Variants in SMTN observed in about 807,000 individuals in gnomAD.
The protein encoded by SMTN is smoothelin.
SMTN carries 58 observed loss-of-function variants against 102.0 expected under a neutral mutation model. The ratio of observed to expected loss-of-function variants is 0.57; its 90% CI spans 0.46 to 0.71. The LOEUF is 0.71. Among genes scored for constraint, SMTN ranks in the 30% least tolerant of loss-of-function variants. The probability of loss-of-function intolerance (pLI) is 0.00; values close to 1 mark genes in which losing one functional copy is unlikely to be tolerated. For missense variants in SMTN, 1,185 were observed against 1,241.7 expected (o/e 0.95, Z 0.69); for synonymous variants, 478 against 497.9 (o/e 0.96, Z 0.53).
chr22:31,099,871 T>G lies in SMTN; in HGVS notation c.2578T>G (p.Phe860Val). Reference protein sequence around the residue: ...QLSPQNRRQNFEVAFSSAETH... With the variant: ...QLSPQNRRQNVEVAFSSAETH... ...TAGCCCTCAGAACCGACGCCAGAAC[T>G]TCGAGGTGGCCTTCTCATCTGCGGA... is the stretch of plus-strand genomic sequence containing the variant. The change falls in exon 19 of 21, where the codon TTC (phenylalanine) becomes GTC (valine). Residue 860 changes from phenylalanine to valine, a missense_variant. Phe to Val is a conservative substitution (Grantham distance 50). This residue lies in a region of SMTN where 89 missense variants were observed against 128.9 expected (regional missense o/e 0.69). Coordinates refer to ENST00000333137, the MANE Select transcript of SMTN (RefSeq NM_134269.3). 1 of 1,614,010 alleles carries G rather than the reference T, an allele frequency of 6.2e-7. No homozygotes were observed. Among genetic ancestry groups the G allele is most frequent in the Non-Finnish European group, 8.5e-7 (1 of 1,179,914 alleles).
intron 18 of SMTN, 145 bp from the exon 19 acceptor site, chr22:31,099,600 T>C: frequency 1.2e-6 from 1 of 830,082 alleles, no homozygotes. Flanking sequence ...TGGAGGAGGC[T>C]CATGTTCCAA....
intron 20 of SMTN, 118 bp from the exon 21 acceptor site, chr22:31,104,198 G>C (rs1314229142): frequency 2.4e-6 from 3 of 1,225,090 alleles, no homozygotes; most frequent in South Asian, 1.4e-5. Context: ...GCTTTTCCCT[G>C]TCTGGAGTTT....
intron 11 of SMTN, chr22:31,093,713 C>A: frequency 8.4e-7 from 1 of 1,184,374 alleles, no homozygotes; most frequent in Non-Finnish European, 1.3e-6. Context: ...CCACTTGTGT[C>A]CGGCCTTGAG....
chr22:31,096,695 T>C, intron 13 of SMTN, 38 bp from the exon 14 acceptor site: 1 of 1,504,670 alleles, frequency 6.6e-7, no homozygotes, highest in Non-Finnish European at 8.8e-7. Flanking sequence ...TGGGTGTTGG[T>C]GGCCCTTTTG....
intron 1 of SMTN, chr22:31,066,119 A>C (rs1249873994): frequency 1.3e-5 from 2 of 152,052 alleles, no homozygotes; most frequent in Non-Finnish European, 2.9e-5. Context: ...CCTCATAGAG[A>C]TGGACAATTT....
At chr22:31,076,593 A>G (rs1019484764), upstream of SMTN, among the ~76,000 whole-genome samples, 3 of 152,252 alleles carry the variant, frequency 2.0e-5, no homozygotes, top group Non-Finnish European at 4.4e-5. Flanking sequence ...AATATGTGTC[A>G]GTTATTTCAT....
chr22:31,074,360 A>C (rs2042078824), intron 1 of SMTN, among the ~76,000 whole-genome samples: 1 of 152,096 alleles, frequency 6.6e-6, no homozygotes, highest in Admixed American at 6.6e-5. Context: ...AGCTTGGGTG[A>C]CAGAGATCCT....
chr22:31,085,269 T>G (rs1188093935), intron 2 of SMTN: 1 of 1,512,296 alleles, frequency 6.6e-7, no homozygotes, highest in South Asian at 1.2e-5. Context: ...TGGCTACCCC[T>G]TCGGCGCCTA....
At position 31,091,351 on chromosome 22, in the gene SMTN, C is replaced by T. The variant is rs1423851401; in HGVS notation, c.1328C>T (p.Pro443Leu). ...GCACGTTCAGAGGAGCCTGGTGCCC[C>T]GCTGCCCGTGGCCGTCGGCACTGCC... Reference protein sequence around the residue: ...PVARSEEPGAPLPVAVGTAEP... With the variant: ...PVARSEEPGALLPVAVGTAEP... The change falls in exon 10 of 21, where the codon CCG becomes CTG. Residue 443 changes from proline (P) to leucine (L), a missense_variant. By Grantham distance (98) the Pro-to-Leu change is moderately conservative (BLOSUM62 -3). Transcript: ENST00000333137. 10 of 1,606,166 alleles carry T rather than the reference C, an allele frequency of 6.2e-6. No individual in the cohort carries two copies. Among genetic ancestry groups the T allele is most frequent in the Middle Eastern group, 1.6e-4 (1 of 6,064 alleles).
chr22:31,073,060 G>T (rs1365112536), intron 1 of SMTN, among the ~76,000 whole-genome samples: 1 of 135,532 alleles, frequency 7.4e-6, no homozygotes, highest in East Asian at 2.1e-4. Context: ...TGTCACCCAG[G>T]CTAGAGTGCA....
intron 1 of SMTN, chr22:31,082,417 G>A (rs1012550662): frequency 9.7e-5 from 42 of 434,774 alleles, no homozygotes; most frequent in Middle Eastern, 6.8e-4. Context: ...TTCGGAAGCC[G>A]GAGATGACGA....
intron 11 of SMTN, 121 bp downstream of exon 11, chr22:31,091,968 C>T (rs1299914320): frequency 7.0e-6 from 7 of 995,814 alleles, no homozygotes; most frequent in Admixed American, 5.9e-5. Context: ...GAAACCGAGG[C>T]CCAGAGAGGG....
At chr22:31,103,707 A>G (rs1364617204) in intron 20 of SMTN, 1 of 153,156 alleles carries the variant, frequency 6.5e-6, no homozygotes, top group African/African-American at 2.4e-5. Context: ...AAGGCAGGTG[A>G]TAAGGGTTAG....
intron 11 of SMTN, 103 bp downstream of exon 11, chr22:31,091,950 C>T (rs1316199681): frequency 2.9e-5 from 33 of 1,144,604 alleles, no homozygotes; most frequent in Non-Finnish European, 3.6e-5. Flanking sequence ...CCCTACTGCA[C>T]ACACAGAGAA....
At position 31,099,105 on chromosome 22, in the gene SMTN, T is replaced by C. The variant is rs201389674; in HGVS notation, c.2377T>C (p.Phe793Leu). The C allele has an allele frequency of 1.1e-5, 17 of 1,613,088 alleles. No individual in the cohort carries two copies. The highest frequency in any genetic ancestry group is 1.4e-5 in the Non-Finnish European group (17 of 1,179,960). Reference sequence around the variant, plus strand: ...CGCAGCCGTGCAGCGATCCACCAGCTTCGGGGTCCCCAACGCCAACAGCAT... The same window carrying C: ...CGCAGCCGTGCAGCGATCCACCAGCCTCGGGGTCCCCAACGCCAACAGCAT... ...PRAAVQRSTS[F>L]GVPNANSIKQ... Residue 793 changes from phenylalanine to leucine, a missense_variant, in exon 18 of 21, where the codon TTC becomes CTC. By Grantham distance (22) the Phe-to-Leu change is conservative. Transcript: ENST00000333137.
At chr22:31,066,133 T>C (rs1307712707) in intron 1 of SMTN, 2 of 152,116 alleles carry the variant, frequency 1.3e-5, no homozygotes, top group Admixed American at 1.3e-4. Flanking sequence ...ACAATTTCCT[T>C]CAGTAGTCTC....
At chr22:31,077,284 C>T (rs553598126), upstream of SMTN, among the ~76,000 whole-genome samples, 26 of 152,050 alleles carry the variant, frequency 1.7e-4, no homozygotes, top group African/African-American at 6.3e-4. Context: ...TGGCACGTGT[C>T]TGTAGTCCCA....
At chr22:31,084,835 G>C (rs2042553201) in intron 2 of SMTN, among the ~76,000 whole-genome samples, 1 of 152,190 alleles carries the variant, frequency 6.6e-6, no homozygotes, top group South Asian at 2.1e-4. Flanking sequence ...CCCCGGGAGC[G>C]GCTCCTCCAG....
intron 1 of SMTN, chr22:31,082,468 C>T (rs978178431): frequency 2.1e-6 from 1 of 472,198 alleles, no homozygotes. Flanking sequence ...AAGTCTTTGG[C>T]TTCCTCCTTG....
Sources: allele counts gnomAD v4.1 joint callset (sites outside exome capture counted in the v4.1 genomes callset), GRCh38; gene constraint gnomAD v4.1.1; regional missense constraint gnomAD v4.1.1; transcripts MANE v1.5; gene names NCBI Gene and HGNC (gene_info 2026-07-23, HGNC 2026-07-21).